Variants in PKHD1 observed in about 807,000 individuals in gnomAD.
PKHD1 encodes PKHD1 ciliary IPT domain containing fibrocystin/polyductin.
A neutral mutation model predicts 412.0 loss-of-function variants in PKHD1; 291 were observed. That is an observed-to-expected ratio of 0.71 (90% CI 0.64 to 0.78). PKHD1 has a LOEUF of 0.78. PKHD1 is among the 30% of genes least tolerant of loss of function. PKHD1 has a pLI of 0.00. For missense variants in PKHD1, 4,825 were observed against 4,950.7 expected (o/e 0.97, Z 0.76); for synonymous variants, 1,777 against 1,821.5 (o/e 0.98, Z 0.62).
intron 35 of PKHD1, among the ~76,000 whole-genome samples, chr6:52,009,142 T>C (rs1799477641): frequency 6.6e-6 from 1 of 151,790 alleles, no homozygotes; most frequent in African/African-American, 2.4e-5. Flanking sequence ...TGGTAGTAAA[T>C]TGAAAGGAAG....
chr6:51,708,462 A>G (rs1267113374), intron 60 of PKHD1, among the ~76,000 whole-genome samples: 1 of 152,162 alleles, frequency 6.6e-6, no homozygotes, highest in East Asian at 1.9e-4. Context: ...TCTAATCATG[A>G]TATTTCCTCA....
rs76982324 is a variant in PKHD1, at chr6:51,947,090, G to T, written c.5909-12768C>A. Among the ~76,000 whole-genome samples the T allele has an allele frequency of 7.4e-3, 1,133 of 152,152 alleles. 17 individuals are homozygous for T. Among genetic ancestry groups the T allele is most frequent in the African/African-American group, 0.026 (1,086 of 41,494 alleles). On this transcript the variant is annotated intron_variant, in intron 36 of 66. Coordinates refer to ENST00000371117, the MANE Select transcript of PKHD1 (RefSeq NM_138694.4). ...ATGACTGTCTTTTGAACCCTCCCTG[G>T]TCAGGCCTTTACCTGATGAACCTGC...
chr6:51,789,775 T>A (rs1383536084), intron 53 of PKHD1, among the ~76,000 whole-genome samples: 5 of 152,104 alleles, frequency 3.3e-5, no homozygotes, highest in Non-Finnish European at 7.4e-5. Context: ...TGAACCATGG[T>A]TATAAACTGT....
chr6:51,629,397 G>T (rs1216185524), intron 65 of PKHD1, among the ~76,000 whole-genome samples: 1 of 151,834 alleles, frequency 6.6e-6, no homozygotes, highest in Non-Finnish European at 1.5e-5. Flanking sequence ...AAAAAAATGG[G>T]CAAAGGACGT....
At chr6:51,828,378 A>G (rs1767685935) in intron 52 of PKHD1, among the ~76,000 whole-genome samples, 1 of 151,238 alleles carries the variant, frequency 6.6e-6, no homozygotes, top group Non-Finnish European at 1.5e-5. Context: ...TGAGAATTAT[A>G]TGAAAAAAAA....
intron 33 of PKHD1, among the ~76,000 whole-genome samples, chr6:52,020,120 C>T (rs769400481): frequency 8.6e-5 from 13 of 151,962 alleles, no homozygotes; most frequent in East Asian, 1.9e-4. Context: ...GAATTCAAAG[C>T]GACCTTGGTA....
Position 51,903,989 on chromosome 6 carries a change from C to G in PKHD1, c.6862G>C (p.Asp2288His). 2 of 1,569,140 alleles carry G rather than the reference C, an allele frequency of 1.3e-6. No individual in the cohort carries two copies. The highest frequency in any genetic ancestry group is 1.7e-4 in the Middle Eastern group (1 of 5,980). The change falls in exon 42 of 67, where the codon GAT becomes CAT. Residue 2288 changes from aspartate (D) to histidine (H), a missense_variant. Physicochemically the swap from Asp to His is moderately conservative, Grantham distance 81. Transcript: ENST00000371117. ...TAAAATCAATTTACATATTTACCAT[C>G]TTTCCTTCCATGAATTGCCTCCCAG... Reference protein sequence around the residue: ...ISWEAIHGRKDDWSGHGNIIR... With the variant: ...ISWEAIHGRKHDWSGHGNIIR...
intron 60 of PKHD1, among the ~76,000 whole-genome samples, chr6:51,729,460 C>T (rs548018012): frequency 6.6e-6 from 1 of 152,078 alleles, no homozygotes; most frequent in Non-Finnish European, 1.5e-5. Flanking sequence ...TCTAGTTTTT[C>T]CCTCTGAGTA....
At chr6:51,700,395 C>T (rs1779287002) in intron 60 of PKHD1, among the ~76,000 whole-genome samples, 1 of 152,034 alleles carries the variant, frequency 6.6e-6, no homozygotes, top group South Asian at 2.1e-4. Context: ...AATCTCCTCC[C>T]CACCTTCTTT....
chr6:51,902,420 G>C (rs1179201074), intron 43 of PKHD1, among the ~76,000 whole-genome samples: 1 of 152,210 alleles, frequency 6.6e-6, no homozygotes, highest in East Asian at 1.9e-4. Flanking sequence ...GTGTAGTTCT[G>C]CTTCCTTTGC....
At chr6:52,080,711 T>A (rs1157890408) in intron 4 of PKHD1, among the ~76,000 whole-genome samples, 1 of 152,204 alleles carries the variant, frequency 6.6e-6, no homozygotes, top group Non-Finnish European at 1.5e-5. Context: ...GATATGTGGG[T>A]AGTCCCAATT....
chr6:51,969,112 G>A (rs955792988), intron 35 of PKHD1, among the ~76,000 whole-genome samples: 14 of 152,204 alleles, frequency 9.2e-5, no homozygotes, highest in African/African-American at 3.1e-4. Context: ...GTCCTTAAGA[G>A]AGAGATTCTC....
At chr6:52,009,638 T>G (rs1430574958) in intron 35 of PKHD1, among the ~76,000 whole-genome samples, 3 of 152,102 alleles carry the variant, frequency 2.0e-5, no homozygotes, top group African/African-American at 7.2e-5. Flanking sequence ...TCTGATCCAT[T>G]TCCAAAGAGC....
chr6:51,659,485 T>C lies in PKHD1; in HGVS notation c.10641A>G (p.Leu3547=), dbSNP rs752895106. The part of the protein sequence containing the change: ...NIMDNLLYVV[L]QGEEPIEIRS... Reference sequence around the variant, plus strand: ...GTATTTCAATGGGCTCCTCTCCTTGTAGGACAACATACAAGAGGTTATCCA... The same window carrying C: ...GTATTTCAATGGGCTCCTCTCCTTGCAGGACAACATACAAGAGGTTATCCA... Residue 3547 remains leucine (L), a synonymous_variant, in exon 61 of 67, where the codon CTA becomes CTG. Coordinates refer to ENST00000371117, the MANE Select transcript of PKHD1 (RefSeq NM_138694.4). The C allele has an allele frequency of 6.2e-6, 10 of 1,613,626 alleles. No individual in the cohort carries two copies. The East Asian group carries it at 2.0e-4, about 32-fold the overall frequency.
At chr6:51,634,850 T>A (rs757176168) in intron 64 of PKHD1, among the ~76,000 whole-genome samples, 14 of 152,218 alleles carry the variant, frequency 9.2e-5, no homozygotes, top group Non-Finnish European at 2.1e-4. Context: ...TGGATGGGCA[T>A]TAAATATCAG....
At chr6:51,671,275 C>T (rs569223828) in intron 60 of PKHD1, among the ~76,000 whole-genome samples, 198 of 152,208 alleles carry the variant, frequency 1.3e-3, no homozygotes, top group African/African-American at 4.5e-3. Flanking sequence ...CTAAACTTCC[C>T]TTCTCACTTC....
intron 60 of PKHD1, among the ~76,000 whole-genome samples, chr6:51,717,474 T>C (rs1321507988): frequency 6.6e-6 from 1 of 152,124 alleles, no homozygotes; most frequent in African/African-American, 2.4e-5. Flanking sequence ...ATACTGTAAT[T>C]TTATAATACT....
At chr6:51,783,103 A>G (rs1792291674) in intron 53 of PKHD1, among the ~76,000 whole-genome samples, 1 of 152,050 alleles carries the variant, frequency 6.6e-6, no homozygotes. Context: ...CCCATCACTG[A>G]CCCTGAAAAA....
chr6:52,044,730 C>T (rs1268213613), intron 25 of PKHD1, among the ~76,000 whole-genome samples: 1 of 151,992 alleles, frequency 6.6e-6, no homozygotes, highest in African/African-American at 2.4e-5. Flanking sequence ...TTTTTTGTAC[C>T]ATAACAACAG....
Sources: allele counts gnomAD v4.1 joint callset (sites outside exome capture counted in the v4.1 genomes callset), GRCh38; gene constraint gnomAD v4.1.1; transcripts MANE v1.5; gene names NCBI Gene and HGNC (gene_info 2026-07-23, HGNC 2026-07-21).